CALN1: variants seen among roughly 807,000 people sequenced by gnomAD.
CALN1 encodes calcium-binding protein 8.
Under a neutral mutation model 30.6 loss-of-function variants are expected in CALN1, and 17 were observed. The observed-to-expected ratio is 0.56, with a 90% confidence interval of 0.38 to 0.83. The LOEUF is 0.83. Among genes scored for constraint, CALN1 ranks in the 40% least tolerant of loss-of-function variants. The pLI is 0.00. For synonymous variants in CALN1, 156 were observed against 131.4 expected (o/e 1.19, Z -1.28); for missense variants, 291 against 354.9 (o/e 0.82, Z 1.45).
At chr7:72,434,357 AAAAAAC>A (rs1562967304) in intron 1 of CALN1, among the ~76,000 whole-genome samples, 2 of 151,056 alleles carry the variant, frequency 1.3e-5, no homozygotes, top group African/African-American at 4.9e-5. Context: ...CCAAAAAAAA[AAAAAAC>A]AAAAAAAAAA....
chr7:72,101,325 A>C (rs1347183691), intron 4 of CALN1, among the ~76,000 whole-genome samples: 1 of 152,190 alleles, frequency 6.6e-6, no homozygotes, highest in South Asian at 2.1e-4. Context: ...ATAGATTAAG[A>C]CTTTTCTTAT....
intron 3 of CALN1, among the ~76,000 whole-genome samples, chr7:72,142,378 G>T (rs1810010195): frequency 6.6e-6 from 1 of 152,188 alleles, no homozygotes; most frequent in Non-Finnish European, 1.5e-5. Context: ...CTCATTGCTA[G>T]CACAGCAGTC....
chr7:72,073,045 T>A (rs1804506244), intron 4 of CALN1, among the ~76,000 whole-genome samples: 1 of 152,126 alleles, frequency 6.6e-6, no homozygotes, highest in African/African-American at 2.4e-5. Flanking sequence ...ACAGAAGTAA[T>A]TACCTACTTA....
chr7:72,337,109 C>T, intron 2 of CALN1: 3 of 985,718 alleles, frequency 3.0e-6, no homozygotes, highest in Non-Finnish European at 3.6e-6. Context: ...TGCCTCGCTG[C>T]GCCCCGGAGC....
the CALN1 span, among the ~76,000 whole-genome samples, chr7:72,460,749 C>T: frequency 6.6e-6 from 1 of 152,146 alleles, no homozygotes; most frequent in Non-Finnish European, 1.5e-5. Context: ...AGTACCAGGT[C>T]TAATTTCCTG....
the CALN1 span, among the ~76,000 whole-genome samples, chr7:72,501,928 A>AT: frequency 0.012 from 708 of 57,926 alleles, 89 homozygotes; most frequent in Middle Eastern, 0.023. Flanking sequence ...AAAAAAAAAA[A>AT]ATATATATAT....
chr7:72,315,959 C>T (rs1469829056), intron 2 of CALN1, among the ~76,000 whole-genome samples: 1 of 151,726 alleles, frequency 6.6e-6, no homozygotes, highest in Non-Finnish European at 1.5e-5. Context: ...CCAGCCTGGC[C>T]AACATGGTGA....
chr7:72,213,377 A>G (rs1309739610), intron 3 of CALN1, among the ~76,000 whole-genome samples: 1 of 152,152 alleles, frequency 6.6e-6, no homozygotes, highest in Non-Finnish European at 1.5e-5. Flanking sequence ...GCAAAACTTT[A>G]TGGGTCAGAG....
At chr7:72,013,249 T>C (rs1213463195) in intron 5 of CALN1, among the ~76,000 whole-genome samples, 1 of 117,588 alleles carries the variant, frequency 8.5e-6, no homozygotes, top group African/African-American at 4.0e-5. Context: ...AATTTGAGAT[T>C]TTTTTTTTTT....
At chr7:72,501,715 C>T in the CALN1 span, among the ~76,000 whole-genome samples, 1 of 150,236 alleles carries the variant, frequency 6.7e-6, no homozygotes, top group African/African-American at 2.4e-5. Flanking sequence ...TAGAGACCAG[C>T]GTGACCAATA....
chr7:71,904,961 C>A (rs572071311), intron 5 of CALN1, among the ~76,000 whole-genome samples: 2 of 152,140 alleles, frequency 1.3e-5, no homozygotes, highest in South Asian at 4.2e-4. Flanking sequence ...TTTATTGAGA[C>A]GGGGTCTTGC....
intron 1 of CALN1, among the ~76,000 whole-genome samples, chr7:72,418,236 C>T (rs1187283409): frequency 6.6e-6 from 1 of 152,018 alleles, no homozygotes; most frequent in African/African-American, 2.4e-5. Context: ...TCTGTTCCTG[C>T]ATTAATCTGC....
At chr7:72,415,384 G>A (rs915110372), upstream of CALN1, among the ~76,000 whole-genome samples, 25 of 152,206 alleles carry the variant, frequency 1.6e-4, no homozygotes, top group African/African-American at 2.9e-4. Context: ...CAAAGACCAC[G>A]AGGAAGTGGC....
At chr7:72,025,611 A>G (rs1173369108) in intron 4 of CALN1, among the ~76,000 whole-genome samples, 1 of 152,142 alleles carries the variant, frequency 6.6e-6, no homozygotes, top group Non-Finnish European at 1.5e-5. Flanking sequence ...GCGAACCTTC[A>G]AGGCATTGTT....
chr7:72,349,624 T>A (rs747197895), intron 2 of CALN1, among the ~76,000 whole-genome samples: 3 of 152,162 alleles, frequency 2.0e-5, no homozygotes, highest in Non-Finnish European at 2.9e-5. Context: ...GTGCTGAAAT[T>A]GAAAACAAAA....
chr7:72,399,087 C>A (rs1806167885), intron 2 of CALN1, among the ~76,000 whole-genome samples: 11 of 152,156 alleles, frequency 7.2e-5, no homozygotes, highest in Admixed American at 6.5e-4. Context: ...CTACAGGTCA[C>A]CTCCTCCAGA....
At chr7:72,364,515 G>A (rs533713696) in intron 2 of CALN1, among the ~76,000 whole-genome samples, 1 of 152,190 alleles carries the variant, frequency 6.6e-6, no homozygotes. Context: ...GGAGTTTTGT[G>A]TCTCTCTCTC....
intron 6 of CALN1, among the ~76,000 whole-genome samples, chr7:71,800,207 T>C (rs962128193): frequency 6.6e-6 from 1 of 152,142 alleles, no homozygotes; most frequent in Non-Finnish European, 1.5e-5. Flanking sequence ...CCCAGAAGTT[T>C]CTGTATTTAA....
intron 2 of CALN1, among the ~76,000 whole-genome samples, chr7:72,357,581 A>G (rs1585571475): frequency 6.6e-6 from 1 of 151,806 alleles, no homozygotes; most frequent in East Asian, 1.9e-4. Context: ...GAATGCTTTT[A>G]AATACACAAA....
Sources: gnomAD v4.1 joint callset for allele counts (sites outside exome capture counted in the v4.1 genomes callset) on GRCh38, gnomAD v4.1.1 for gene constraint, MANE v1.5 for transcripts, NCBI Gene and HGNC (gene_info 2026-07-23, HGNC 2026-07-21) for gene names.